The following NARF variants were observed in gnomAD, a reference collection of about 807,000 sequenced individuals.
NARF encodes nuclear prelamin A recognition factor, also known as iron-only hydrogenase-like protein 2.
Under a neutral mutation model 48.0 loss-of-function variants are expected in NARF, and 41 were observed. The ratio of observed to expected loss-of-function variants is 0.85; its 90% confidence interval spans 0.66 to 1.11. The LOEUF is 1.11. NARF is among the 50% of genes least tolerant of loss of function. The probability of loss-of-function intolerance (pLI) is 0.00; values close to 1 mark genes in which losing one functional copy is unlikely to be tolerated. For synonymous variants in NARF, 215 were observed against 225.5 expected, an observed-to-expected ratio of 0.95 and a Z score of 0.42; for missense variants, 613 against 590.2, an observed-to-expected ratio of 1.04 and a Z score of -0.40.
At chr17:82,482,153 C>T (rs1490314579) in intron 7 of NARF, 2 of 316,476 alleles carry the variant, frequency 6.3e-6, no homozygotes, top group African/African-American at 2.3e-5. Context: ...AAAACAGGTC[C>T]CTGCAGGTAT....
chr17:82,469,584 T>G (rs940544956), intron 4 of NARF, among the ~76,000 whole-genome samples: 4 of 151,254 alleles, frequency 2.6e-5, no homozygotes, highest in Non-Finnish European at 4.4e-5. Context: ...AAATAAGAGG[T>G]TTTTTTTGTT....
chr17:82,485,245 C>G (rs917091092), intron 9 of NARF, among the ~76,000 whole-genome samples: 1 of 152,032 alleles, frequency 6.6e-6, no homozygotes, highest in African/African-American at 2.4e-5. Flanking sequence ...CACAGTGAAA[C>G]CCTATCTCTA....
At chr17:82,473,810 G>C (rs2043772216) in intron 5 of NARF, among the ~76,000 whole-genome samples, 1 of 151,744 alleles carries the variant, frequency 6.6e-6, no homozygotes, top group Non-Finnish European at 1.5e-5. Context: ...TGCCCGCCTT[G>C]GCCTCCCAAA....
intron 2 of NARF, among the ~76,000 whole-genome samples, chr17:82,461,265 A>G (rs1341161671): frequency 1.3e-5 from 2 of 151,848 alleles, no homozygotes; most frequent in African/African-American, 4.8e-5. Context: ...CTCCTTAGCT[A>G]GTAGCTATGG....
In NARF at chr17:82,478,501, A is replaced by G. The variant is rs73999944; in HGVS notation, c.521-299A>G. ...TGGGCCGCTGCTCCTGCTGCCTTTC[A>G]GTGCTTGTTCCCCTTCACCTTTTTG... On this transcript the variant is annotated intron_variant, in intron 5 of 10. Coordinates refer to ENST00000309794, the MANE Select transcript of NARF (RefSeq NM_012336.4). The G allele has an allele frequency of 1.0e-3, 503 of 481,536 alleles. 5 individuals are homozygous for G. The highest frequency in any genetic ancestry group is 8.3e-3 in the African/African-American group (425 of 51,382). 29.8% of individuals were successfully genotyped at this position (481,536 alleles called of 1,614,324 possible). A position where few individuals can be genotyped will look rare whatever the true frequency, so the allele number is the denominator to read the frequency against.
intron 5 of NARF, among the ~76,000 whole-genome samples, chr17:82,475,799 C>G (rs969531788): frequency 7.2e-5 from 11 of 152,140 alleles, no homozygotes; most frequent in Admixed American, 2.0e-4. Flanking sequence ...CTATACAAAT[C>G]AGCAATCTGC....
chr17:82,484,883 A>C lies in NARF; in HGVS notation c.904A>C (p.Ile302Leu). 1 of 1,613,534 alleles carries C rather than the reference A, an allele frequency of 6.2e-7. No individual in the cohort carries two copies. The highest frequency in any genetic ancestry group is 8.5e-7 in the Non-Finnish European group (1 of 1,179,712). Reference sequence around the variant, plus strand: ...CAGCTCAGACGGGCACCTGGCACACATCTTCAGACATGCGGCCAAGGAGCT... The same window carrying C: ...CAGCTCAGACGGGCACCTGGCACACCTCTTCAGACATGCGGCCAAGGAGCT... ...GASSDGHLAHIFRHAAKELFN... is the reference protein window; with the variant it reads ...GASSDGHLAHLFRHAAKELFN... The change falls in exon 9 of 11, where the codon ATC (isoleucine) becomes CTC (leucine). Residue 302 changes from isoleucine (I) to leucine (L), a missense_variant. Transcript: ENST00000309794.
At chr17:82,459,280 G>A (rs951548196) in intron 1 of NARF, 9 of 679,026 alleles carry the variant, frequency 1.3e-5, no homozygotes, top group Non-Finnish European at 1.6e-5. Context: ...TCCAGGCCAT[G>A]GCAACAACCG....
chr17:82,488,384 T>C lies in NARF; in HGVS notation c.*227T>C, dbSNP rs1599860746. Reference sequence around the variant, plus strand: ...TGGGATTGGAACTTTTTTTTTCTTTTTTTTTTTTTGAGACGGAGTCTCACT... The same window carrying C: ...TGGGATTGGAACTTTTTTTTTCTTTCTTTTTTTTTGAGACGGAGTCTCACT... On this transcript the variant is annotated 3_prime_UTR_variant, in exon 11 of 11. Coordinates refer to ENST00000309794, the MANE Select transcript of NARF (RefSeq NM_012336.4). 1 of 597,326 alleles carries C rather than the reference T, an allele frequency of 1.7e-6. No homozygotes were observed. The highest frequency in any genetic ancestry group is 3.4e-5 in the East Asian group (1 of 29,398). The allele number at this position is 597,326 out of a possible 1,614,324, so 37.0% of individuals were successfully genotyped here.
rs1335103396 is a variant in NARF at position 82,489,445 on chromosome 17, ACCAGCTGGGTGGGTGCAGGGGGCC to A, written c.*1295_*1318del. On this transcript the variant is annotated 3_prime_UTR_variant, in exon 11 of 11. Coordinates refer to ENST00000309794, the MANE Select transcript of NARF (RefSeq NM_012336.4). ...ATGGAAAATTGAGAAGGCTGCCCGC[ACCAGCTGGGTGGGTGCAGGGGGCC>A]CCAGCTCATCATCAGCACTGTCGTG... 3 of 152,626 alleles carry A rather than the reference ACCAGCTGGGTGGGTGCAGGGGGCC, an allele frequency of 2.0e-5. No individual in the cohort carries two copies. The highest frequency in any genetic ancestry group is 2.1e-4 in the South Asian group (1 of 4,868). 9.5% of individuals were successfully genotyped at this position (152,626 alleles called of 1,614,324 possible).
In NARF at chr17:82,488,973, T is replaced by G. The variant is rs1019716338; in HGVS notation, c.*816T>G. ...GTCCCAGATCCCTGCCCATTTTGGCTCTTTCTTTTACCCACTCATATTTTC... is the reference window on the plus strand; with the variant it reads ...GTCCCAGATCCCTGCCCATTTTGGCGCTTTCTTTTACCCACTCATATTTTC... On this transcript the variant is annotated 3_prime_UTR_variant, in exon 11 of 11. Coordinates refer to ENST00000309794, the MANE Select transcript of NARF (RefSeq NM_012336.4). 6.6e-6 allele frequency: 1 copy of G among 152,534 alleles called. No individual in the cohort carries two copies. The highest frequency in any genetic ancestry group is 2.4e-5 in the African/African-American group (1 of 41,438). 9.4% of individuals were successfully genotyped at this position (152,534 alleles called of 1,614,324 possible). A position where few individuals can be genotyped will look rare whatever the true frequency, so the allele number is the denominator to read the frequency against.
chr17:82,481,042 C>A, intron 6 of NARF, 40 bp from the exon 7 acceptor site: 1 of 1,613,376 alleles, frequency 6.2e-7, no homozygotes, highest in Non-Finnish European at 8.5e-7. Flanking sequence ...CTGCCGTCAC[C>A]TCTTCACCAG....
At chr17:82,459,299 A>G in intron 1 of NARF, 1 of 523,810 alleles carries the variant, frequency 1.9e-6, no homozygotes, top group Non-Finnish European at 2.5e-6. Flanking sequence ...CGCGCAGCGC[A>G]CGCAGGGGGG....
At chr17:82,476,681 G>A (rs2143908563) in intron 5 of NARF, 1 of 151,200 alleles carries the variant, frequency 6.6e-6, no homozygotes, top group African/African-American at 2.4e-5. Flanking sequence ...TGACCTCGAT[G>A]ATCTGCCTTC....
chr17:82,483,775 ACT>A lies in NARF; in HGVS notation c.832_833del (p.Leu278ValfsTer13), dbSNP rs1224475540. 2 of 1,613,308 alleles carry A rather than the reference ACT, an allele frequency of 1.2e-6. No homozygotes were observed. The highest frequency in any genetic ancestry group is 1.7e-6 in the Non-Finnish European group (2 of 1,179,918). On this transcript the variant is annotated frameshift_variant and splice_region_variant, in exon 8 of 11. Coordinates refer to ENST00000309794, the MANE Select transcript of NARF (RefSeq NM_012336.4). LOFTEE classifies it high-confidence loss of function. ...DLSVRDAAVD[T>X]LFGDLKEDKV... Reference sequence around the variant, plus strand: ...CTCAGTGAGAGATGCTGCCGTCGACACTCTGTAAGTGGCTTCTCTGGGGAGAG... The same window carrying A: ...CTCAGTGAGAGATGCTGCCGTCGACACTGTAAGTGGCTTCTCTGGGGAGAG...
At chr17:82,468,453 C>G (rs2043622408) in intron 3 of NARF, 1 of 315,338 alleles carries the variant, frequency 3.2e-6, no homozygotes, top group African/African-American at 2.2e-5. Flanking sequence ...GTCTCAAACT[C>G]CTGGCCTCAA....
At chr17:82,477,928 G>A (rs2043871677) in intron 5 of NARF, 1 of 152,266 alleles carries the variant, frequency 6.6e-6, no homozygotes, top group Non-Finnish European at 1.5e-5. Context: ...ATGTCTGACT[G>A]TGGGACATGA....
rs770053393 is a variant in NARF, at chr17:82,458,787, C to T, written c.-17C>T. 13 of 1,462,700 alleles carry T rather than the reference C, an allele frequency of 8.9e-6. No individual in the cohort carries two copies. The highest frequency in any genetic ancestry group is 1.1e-5 in the Non-Finnish European group (12 of 1,114,668). The allele number at this position is 1,462,700 out of a possible 1,614,324, so 90.6% of individuals were successfully genotyped here. A position where few individuals can be genotyped will look rare whatever the true frequency, so the allele number is the denominator to read the frequency against. On this transcript the variant is annotated 5_prime_UTR_variant, in exon 1 of 11. Transcript: ENST00000309794. ...CCTGAGGCTGAGGCGCCCGGCCTCCCGCCCGCCGCGCTCCAGATGAAGTGT... is the reference window on the plus strand; with the variant it reads ...CCTGAGGCTGAGGCGCCCGGCCTCCTGCCCGCCGCGCTCCAGATGAAGTGT...
intron 3 of NARF, among the ~76,000 whole-genome samples, chr17:82,465,713 G>A (rs978788146): frequency 4.6e-5 from 7 of 152,212 alleles, no homozygotes; most frequent in East Asian, 1.9e-4. Flanking sequence ...CTACAGACGC[G>A]TGCTACCACA....
Sources: allele counts gnomAD v4.1 joint callset (sites outside exome capture counted in the v4.1 genomes callset), GRCh38; gene constraint gnomAD v4.1.1; transcripts MANE v1.5; gene names NCBI Gene and HGNC (gene_info 2026-07-23, HGNC 2026-07-21).